The following CPS1 variants were observed in gnomAD, a reference collection of about 807,000 sequenced individuals.
CPS1 encodes the protein carbamoyl-phosphate synthase [ammonia], mitochondrial.
In CPS1, 109 loss-of-function variants were observed where a neutral mutation model predicts 174.6. That is an observed-to-expected ratio of 0.62 (90% CI 0.53 to 0.73). The LOEUF (loss-of-function observed/expected upper bound fraction) is 0.73, where lower values mean the gene tolerates loss of function less well. CPS1 is among the 30% of genes least tolerant of loss of function. The pLI is 0.00. For missense variants in CPS1, 1,689 were observed against 1,821.9 expected, an observed-to-expected ratio of 0.93 and a Z score of 1.33; for synonymous variants, 637 against 632.0, an observed-to-expected ratio of 1.01 and a Z score of -0.12.
chr2:210,493,969 A>C (rs543267554), intron 1 of CPS1, among the ~76,000 whole-genome samples: 10 of 152,326 alleles, frequency 6.6e-5, no homozygotes, highest in African/African-American at 2.4e-4. Context: ...TCATGGTGTC[A>C]TGTTGCTGAA....
intron 21 of CPS1, among the ~76,000 whole-genome samples, chr2:210,623,501 T>A (rs952349513): frequency 2.0e-5 from 3 of 151,978 alleles, no homozygotes; most frequent in Middle Eastern, 3.4e-3. Context: ...AATATAGTTT[T>A]AAAAAAAAGA....
At position 210,602,148 on chromosome 2, in the gene CPS1, G is replaced by C. The variant is rs1171389386; in HGVS notation, c.1708-54G>C. The C allele has an allele frequency of 1.4e-5, 22 of 1,606,634 alleles. No homozygotes were observed. The Admixed American group carries it at 3.7e-4, about 27-fold the overall frequency. ...TTGCCAGACTCTCTTGGTGTGGTCT[G>C]TTCTGCCAGTGTGCTCAGCTTTTAA... On this transcript the variant is annotated intron_variant, in intron 15 of 37. Coordinates refer to ENST00000233072, the MANE Select transcript of CPS1 (RefSeq NM_001875.5).
At chr2:210,561,681 C>T (rs565823135) in intron 1 of CPS1, among the ~76,000 whole-genome samples, 7 of 152,218 alleles carry the variant, frequency 4.6e-5, no homozygotes, top group East Asian at 3.9e-4. Context: ...TTTGCAATGA[C>T]GGAGGCCCGA....
chr2:210,605,639 A>G (rs539763287), intron 17 of CPS1, among the ~76,000 whole-genome samples: 2 of 151,956 alleles, frequency 1.3e-5, no homozygotes, highest in Non-Finnish European at 2.9e-5. Context: ...AGAAAAGTAC[A>G]CTAGTTAGAT....
chr2:210,656,069 T>C (rs1700696056), intron 29 of CPS1, among the ~76,000 whole-genome samples: 1 of 152,232 alleles, frequency 6.6e-6, no homozygotes, highest in South Asian at 2.1e-4. Flanking sequence ...CAAACTTCCA[T>C]TTAATGATCT....
chr2:210,588,018 C>T (rs1201835982), intron 6 of CPS1, 40 bp from the exon 7 acceptor site: 8 of 1,585,038 alleles, frequency 5.0e-6, no homozygotes, highest in African/African-American at 4.0e-5. Context: ...TTGCCCATAG[C>T]TGGGACTTCC....
At chr2:210,549,014 G>A (rs142709586) in intron 1 of CPS1, among the ~76,000 whole-genome samples, 112 of 152,144 alleles carry the variant, frequency 7.4e-4, no homozygotes, top group African/African-American at 2.5e-3. Flanking sequence ...AGGAATGTGC[G>A]TAGGTGACCT....
At chr2:210,642,813 A>T (rs1011545178) in intron 25 of CPS1, 148 bp downstream of exon 25, 2 of 758,212 alleles carry the variant, frequency 2.6e-6, no homozygotes, top group Non-Finnish European at 4.2e-6. Context: ...CTTATTTTGT[A>T]GTAAAACTCT....
chr2:210,532,539 G>A (rs1696143338), intron 1 of CPS1, among the ~76,000 whole-genome samples: 1 of 152,104 alleles, frequency 6.6e-6, no homozygotes, highest in South Asian at 2.1e-4. Flanking sequence ...AATAAGTATA[G>A]CAATAGCTAA....
intron 25 of CPS1, among the ~76,000 whole-genome samples, chr2:210,646,872 C>T (rs535133443): frequency 2.0e-5 from 3 of 148,388 alleles, no homozygotes; most frequent in East Asian, 1.9e-4. Context: ...CACCGTCTCA[C>T]GCTGGTTTAC....
intron 32 of CPS1, 138 bp from the exon 33 acceptor site, chr2:210,662,985 C>T (rs561328807): frequency 3.5e-6 from 3 of 845,820 alleles, no homozygotes; most frequent in Non-Finnish European, 5.7e-6. Context: ...ATGCTTGGAC[C>T]CAAGAGATTT....
intron 21 of CPS1, chr2:210,619,912 C>T (rs1574602600): frequency 6.7e-6 from 1 of 150,308 alleles, no homozygotes; most frequent in Non-Finnish European, 1.5e-5. Flanking sequence ...GGGAGGGGAA[C>T]ATCACACACC....
At chr2:210,486,694 G>C (rs1395344161) in intron 1 of CPS1, among the ~76,000 whole-genome samples, 1 of 152,176 alleles carries the variant, frequency 6.6e-6, no homozygotes, top group Non-Finnish European at 1.5e-5. Context: ...ATTTCCATTA[G>C]AGACAGGGTT....
intron 19 of CPS1, among the ~76,000 whole-genome samples, chr2:210,611,260 C>A (rs1699108961): frequency 1.3e-5 from 2 of 151,838 alleles, no homozygotes; most frequent in African/African-American, 2.4e-5. Flanking sequence ...TGAAGATTTC[C>A]TAAACTGACA....
intron 21 of CPS1, chr2:210,619,861 GA>G (rs1699447954): frequency 6.7e-6 from 1 of 148,810 alleles, no homozygotes; most frequent in Non-Finnish European, 1.5e-5. Flanking sequence ...ATGAAGTTCA[GA>G]ATTTGAGTCC....
At chr2:210,659,999 G>C (rs1173678372) in intron 31 of CPS1, among the ~76,000 whole-genome samples, 1 of 152,186 alleles carries the variant, frequency 6.6e-6, no homozygotes, top group Admixed American at 6.5e-5. Flanking sequence ...GTAAAGGTGA[G>C]AAAAGAGCAT....
At chr2:210,668,476 C>T (rs1441342495) in intron 34 of CPS1, among the ~76,000 whole-genome samples, 192 bp downstream of exon 34, 1 of 152,012 alleles carries the variant, frequency 6.6e-6, no homozygotes, top group Non-Finnish European at 1.5e-5. Context: ...TCAGCCCGTG[C>T]AAAAATAAAA....
In CPS1 at chr2:210,654,125, C is replaced by T. The variant is rs375985039; in HGVS notation, c.3558+23C>T. 7 of 1,593,512 alleles carry T rather than the reference C, an allele frequency of 4.4e-6. No homozygotes were observed. The African/African-American group carries it at 6.7e-5, about 15-fold the overall frequency. ...AGGGTAAGTGCTTTATTCTCATCTCCTTCATTCCTGCCTTCTCATCATTTT... is the reference window on the plus strand; with the variant it reads ...AGGGTAAGTGCTTTATTCTCATCTCTTTCATTCCTGCCTTCTCATCATTTT... On this transcript the variant is annotated intron_variant, in intron 29 of 37. Transcript: ENST00000233072.
At chr2:210,494,896 A>G (rs1694954213) in intron 1 of CPS1, among the ~76,000 whole-genome samples, 1 of 152,198 alleles carries the variant, frequency 6.6e-6, no homozygotes, top group Non-Finnish European at 1.5e-5. Flanking sequence ...GGCATGCAAC[A>G]CTGATGCTTG....
Sources: allele counts gnomAD v4.1 joint callset (sites outside exome capture counted in the v4.1 genomes callset), GRCh38; gene constraint gnomAD v4.1.1; transcripts MANE v1.5; gene names NCBI Gene and HGNC (gene_info 2026-07-23, HGNC 2026-07-21).